Variants in NOX4 observed in about 807,000 individuals in gnomAD.
NOX4 encodes the protein kidney oxidase-1.
Under a neutral mutation model 87.6 loss-of-function variants are expected in NOX4, and 69 were observed. The observed-to-expected ratio is 0.79, with a 90% confidence interval of 0.65 to 0.96. The LOEUF is 0.96. NOX4 is among the 40% of genes least tolerant of loss of function. NOX4 has a pLI of 0.00. For synonymous variants in NOX4, 275 were observed against 238.2 expected (o/e 1.15, Z -1.42); for missense variants, 680 against 681.5 (o/e 1.00, Z 0.02).
intron 2 of NOX4, among the ~76,000 whole-genome samples, chr11:89,485,487 A>C: frequency 6.6e-6 from 1 of 152,196 alleles, no homozygotes; most frequent in Non-Finnish European, 1.5e-5. Flanking sequence ...TGGGAATTAC[A>C]TGATATTCTT....
chr11:89,458,907 C>T lies in NOX4; in HGVS notation c.154-7012G>A, dbSNP rs537678704. ...GGAAAATAGTTTTGCAATTTCTCAACGAAATTAAAACCAAACTTTCATTTG... is the reference window on the plus strand; with the variant it reads ...GGAAAATAGTTTTGCAATTTCTCAATGAAATTAAAACCAAACTTTCATTTG... On this transcript the variant is annotated intron_variant, in intron 2 of 17. Coordinates refer to ENST00000263317, the MANE Select transcript of NOX4 (RefSeq NM_016931.5). Among the ~76,000 whole-genome samples, 67 of 152,092 alleles carry T rather than the reference C, an allele frequency of 4.4e-4. 1 individual carries two copies. The highest frequency in any genetic ancestry group is 3.6e-3 in the Admixed American group (55 of 15,270).
At chr11:89,413,222 G>C (rs1591162216) in intron 8 of NOX4, among the ~76,000 whole-genome samples, 1 of 152,180 alleles carries the variant, frequency 6.6e-6, no homozygotes, top group African/African-American at 2.4e-5. Flanking sequence ...CATATACACT[G>C]TTGGTGGGAA....
chr11:89,491,330 CG>C lies in NOX4; in HGVS notation c.-85del. 1 of 1,272,378 alleles carries C rather than the reference CG, an allele frequency of 7.9e-7. No homozygotes were observed. Among genetic ancestry groups the C allele is most frequent in the Non-Finnish European group, 1.1e-6 (1 of 922,388 alleles). 78.8% of individuals were successfully genotyped at this position (1,272,378 alleles called of 1,614,324 possible). On this transcript the variant is annotated 5_prime_UTR_variant, in exon 1 of 18. Transcript: ENST00000263317. ...GGCCGGGGCAGCGGTTACAGTTGTG[CG>C]GCCTGCCGGGCCGCTGAGCGAGGAC...
In NOX4 at chr11:89,423,483, T is replaced by A. The variant is rs543371530; in HGVS notation, c.549-1501A>T. Among the ~76,000 whole-genome samples, 24 of 152,298 alleles carry A rather than the reference T, an allele frequency of 1.6e-4. No homozygotes were observed. The East Asian group carries it at 4.3e-3, about 27-fold the overall frequency. On this transcript the variant is annotated intron_variant, in intron 7 of 17. Transcript: ENST00000263317. ...CACCTTTATTATCTGCAGGTTCTTA[T>A]ATATTGCAAGGTCATTTACAGGGCT...
the NOX4 span, among the ~76,000 whole-genome samples, chr11:89,521,424 A>C: frequency 6.6e-6 from 1 of 152,162 alleles, no homozygotes; most frequent in Admixed American, 6.6e-5. Context: ...AAAAATAAGC[A>C]ACAGGGAAAG....
At chr11:89,421,207 G>A (rs988278573) in intron 8 of NOX4, among the ~76,000 whole-genome samples, 5 of 152,172 alleles carry the variant, frequency 3.3e-5, no homozygotes, top group Non-Finnish European at 7.3e-5. Flanking sequence ...AGGTGTGAAT[G>A]TCACGCCAAA....
intron 2 of NOX4, among the ~76,000 whole-genome samples, chr11:89,453,884 GT>G (rs1465943806): frequency 6.6e-6 from 1 of 152,096 alleles, no homozygotes; most frequent in Non-Finnish European, 1.5e-5. Flanking sequence ...CACATATTAG[GT>G]AATAAACATT....
intron 7 of NOX4, among the ~76,000 whole-genome samples, chr11:89,430,155 C>G (rs528676458): frequency 2.0e-5 from 3 of 152,082 alleles, no homozygotes; most frequent in South Asian, 2.1e-4. Flanking sequence ...ATTCAACAAC[C>G]CTTCATGCTA....
chr11:89,501,823 CAGGATGGAG>C (rs1455863992), upstream of NOX4, among the ~76,000 whole-genome samples: 1 of 152,046 alleles, frequency 6.6e-6, no homozygotes, highest in African/African-American at 2.4e-5. Context: ...AATACATCAG[CAGGATGGAG>C]AGTATTCACC....
chr11:89,533,432 A>C, the NOX4 span, among the ~76,000 whole-genome samples: 1 of 152,184 alleles, frequency 6.6e-6, no homozygotes, highest in African/African-American at 2.4e-5. Context: ...AGCACAAGCC[A>C]GATGTAATAA....
At chr11:89,416,426 A>T (rs1942776105) in intron 8 of NOX4, among the ~76,000 whole-genome samples, 1 of 152,198 alleles carries the variant, frequency 6.6e-6, no homozygotes, top group Admixed American at 6.6e-5. Context: ...ACTTCCACGA[A>T]AGTGGCTTCT....
intron 2 of NOX4, among the ~76,000 whole-genome samples, chr11:89,486,129 C>T (rs777149377): frequency 4.6e-5 from 7 of 151,364 alleles, no homozygotes; most frequent in Non-Finnish European, 1.0e-4. Context: ...AATAATAACC[C>T]AGAAATAAAA....
chr11:89,508,693 C>T, the NOX4 span, among the ~76,000 whole-genome samples: 895 of 152,140 alleles, frequency 5.9e-3, 8 homozygotes, highest in African/African-American at 0.02. Flanking sequence ...ATTAACTCTG[C>T]GCCTACAATC....
chr11:89,390,042 A>C (rs1054124732), intron 11 of NOX4, among the ~76,000 whole-genome samples: 1 of 152,190 alleles, frequency 6.6e-6, no homozygotes, highest in Non-Finnish European at 1.5e-5. Context: ...AGTGGGAATC[A>C]CCATATGGGA....
chr11:89,512,768 C>G, the NOX4 span, among the ~76,000 whole-genome samples: 414 of 152,160 alleles, frequency 2.7e-3, 3 homozygotes, highest in African/African-American at 9.5e-3. Flanking sequence ...TTAAATTCTT[C>G]CCCCACCTTT....
upstream of NOX4, among the ~76,000 whole-genome samples, chr11:89,494,573 G>C (rs1455150650): frequency 6.6e-6 from 1 of 152,130 alleles, no homozygotes; most frequent in Admixed American, 6.5e-5. Flanking sequence ...TTTACACAAC[G>C]TTTATTAGAT....
At chr11:89,575,968 T>A in the NOX4 span, among the ~76,000 whole-genome samples, 13 of 152,330 alleles carry the variant, frequency 8.5e-5, no homozygotes, top group South Asian at 2.7e-3. Flanking sequence ...GTTATAACAG[T>A]CCATAAGTCT....
chr11:89,471,538 T>C (rs1945940700), intron 2 of NOX4, among the ~76,000 whole-genome samples: 1 of 152,196 alleles, frequency 6.6e-6, no homozygotes. Context: ...TTATTTTTCC[T>C]ATGCCTATAA....
chr11:89,545,224 G>A, the NOX4 span: 1 of 152,104 alleles, frequency 6.6e-6, no homozygotes, highest in Non-Finnish European at 1.5e-5. Context: ...ATTTAGTTCT[G>A]TGTATGTTTT....
Sources: allele counts gnomAD v4.1 joint callset (sites outside exome capture counted in the v4.1 genomes callset), GRCh38; gene constraint gnomAD v4.1.1; transcripts MANE v1.5; gene names NCBI Gene and HGNC (gene_info 2026-07-23, HGNC 2026-07-21).